Variants in CPA6 observed in about 807,000 individuals in gnomAD.
CPA6 encodes the protein carboxypeptidase B.
A neutral mutation model predicts 63.3 loss-of-function variants in CPA6; 58 were observed. The observed-to-expected ratio is 0.92, with a 90% confidence interval of 0.74 to 1.14. CPA6 has a LOEUF of 1.14. Among genes scored for constraint, CPA6 ranks in the 50% most tolerant of loss-of-function variants. The pLI, the probability that CPA6 is intolerant of heterozygous loss-of-function variation, is 0.00. For synonymous variants in CPA6, 185 were observed against 179.0 expected (o/e 1.03, Z -0.27); for missense variants, 565 against 526.6 (o/e 1.07, Z -0.71).
At chr8:67,534,680 A>G (rs1812547260) in intron 2 of CPA6, among the ~76,000 whole-genome samples, 1 of 152,166 alleles carries the variant, frequency 6.6e-6, no homozygotes, top group Non-Finnish European at 1.5e-5. Flanking sequence ...ATGAGGTTGT[A>G]TCAGATATTA....
chr8:67,468,668 G>A (rs1810986166), intron 8 of CPA6, among the ~76,000 whole-genome samples: 1 of 151,706 alleles, frequency 6.6e-6, no homozygotes, highest in African/African-American at 2.4e-5. Flanking sequence ...CTGTAAGTGG[G>A]CAATAACCTT....
intron 2 of CPA6, among the ~76,000 whole-genome samples, chr8:67,523,304 G>A (rs570653782): frequency 1.6e-4 from 25 of 152,250 alleles, no homozygotes; most frequent in East Asian, 5.8e-4. Flanking sequence ...AGAGGTGGGC[G>A]GATCATGAGG....
At chr8:67,651,444 C>T (rs1340569415) in intron 1 of CPA6, among the ~76,000 whole-genome samples, 1 of 152,008 alleles carries the variant, frequency 6.6e-6, no homozygotes. Context: ...ACGCCATTTC[C>T]TTTTATTTAT....
chr8:67,744,237 C>T (rs1292363384), intron 1 of CPA6, among the ~76,000 whole-genome samples: 1 of 152,158 alleles, frequency 6.6e-6, no homozygotes, highest in Non-Finnish European at 1.5e-5. Context: ...GTGAGACTCA[C>T]TTCTTTTCAT....
intron 2 of CPA6, 136 bp from the exon 3 acceptor site, chr8:67,518,183 A>G: frequency 1.4e-6 from 1 of 715,238 alleles, no homozygotes; most frequent in Non-Finnish European, 2.1e-6. Context: ...TGCTTGCATC[A>G]TCAGGGTAAA....
At chr8:67,430,986 T>C (rs1810015099) in intron 9 of CPA6, among the ~76,000 whole-genome samples, 1 of 152,112 alleles carries the variant, frequency 6.6e-6, no homozygotes, top group East Asian at 1.9e-4. Context: ...CTCTGCCTCC[T>C]GAGTTGCTGG....
At chr8:67,523,205 A>G (rs1222146543) in intron 2 of CPA6, among the ~76,000 whole-genome samples, 5 of 152,186 alleles carry the variant, frequency 3.3e-5, no homozygotes, top group African/African-American at 1.2e-4. Flanking sequence ...TGTTAGGCTT[A>G]AATGAATACA....
chr8:67,495,995 A>T (rs139585299), intron 6 of CPA6, among the ~76,000 whole-genome samples: 1 of 152,194 alleles, frequency 6.6e-6, no homozygotes, highest in African/African-American at 2.4e-5. Context: ...CAACGCCCAC[A>T]TATCATGCTC....
chr8:67,619,473 G>A (rs1293826465), intron 2 of CPA6, among the ~76,000 whole-genome samples: 3 of 152,154 alleles, frequency 2.0e-5, no homozygotes, highest in African/African-American at 7.2e-5. Flanking sequence ...TACAAGTCAG[G>A]CTTTAGGCAG....
chr8:67,498,679 TC>T (rs1347721101), intron 6 of CPA6, among the ~76,000 whole-genome samples: 1 of 152,150 alleles, frequency 6.6e-6, no homozygotes, highest in Admixed American at 6.6e-5. Context: ...CTTTTTCCTC[TC>T]CCCTCAAAGT....
chr8:67,477,876 C>T (rs947614917), intron 8 of CPA6, among the ~76,000 whole-genome samples: 5 of 152,212 alleles, frequency 3.3e-5, no homozygotes, highest in African/African-American at 1.2e-4. Flanking sequence ...TTCATCACAT[C>T]CCCAGGGTGA....
intron 4 of CPA6, among the ~76,000 whole-genome samples, chr8:67,511,133 G>A (rs1279970193): frequency 6.6e-6 from 1 of 152,138 alleles, no homozygotes; most frequent in Non-Finnish European, 1.5e-5. Flanking sequence ...CTTTGCCTTT[G>A]AGAGGTCTCA....
chr8:67,596,111 T>G (rs182202516), intron 2 of CPA6, among the ~76,000 whole-genome samples: 81 of 152,352 alleles, frequency 5.3e-4, no homozygotes, highest in South Asian at 1.2e-3. Flanking sequence ...CTTTAATTTT[T>G]GGGAATTGAT....
chr8:67,667,245 G>C (rs565347297), intron 1 of CPA6, among the ~76,000 whole-genome samples: 1 of 144,804 alleles, frequency 6.9e-6, no homozygotes, highest in South Asian at 2.1e-4. Flanking sequence ...ATTTCGGATT[G>C]GGGTGAAGGC....
At chr8:67,494,746 G>A (rs963437040) in intron 6 of CPA6, among the ~76,000 whole-genome samples, 1 of 152,084 alleles carries the variant, frequency 6.6e-6, no homozygotes, top group Non-Finnish European at 1.5e-5. Flanking sequence ...TTTGTACCAG[G>A]ACCTCAATGG....
chr8:67,613,991 G>C (rs1814876344), intron 2 of CPA6, among the ~76,000 whole-genome samples: 1 of 152,150 alleles, frequency 6.6e-6, no homozygotes, highest in Non-Finnish European at 1.5e-5. Context: ...TCCCAGGATA[G>C]GGATAGCCAC....
At chr8:67,598,537 A>G (rs544714936) in intron 2 of CPA6, among the ~76,000 whole-genome samples, 1 of 152,196 alleles carries the variant, frequency 6.6e-6, no homozygotes, top group Non-Finnish European at 1.5e-5. Context: ...AACAATCGCT[A>G]CTTAATTTAA....
intron 4 of CPA6, among the ~76,000 whole-genome samples, 193 bp downstream of exon 4, chr8:67,511,348 A>G (rs1033368875): frequency 2.6e-5 from 4 of 152,220 alleles, no homozygotes; most frequent in Non-Finnish European, 1.5e-5. Flanking sequence ...GATACTTCTT[A>G]TATACCATCA....
chr8:67,746,165 C>A lies in CPA6; in HGVS notation c.-36G>T. 1 of 1,544,624 alleles carries A rather than the reference C, an allele frequency of 6.5e-7. No homozygotes were observed. Among genetic ancestry groups the A allele is most frequent in the African/African-American group, 1.4e-5 (1 of 73,596 alleles). The stretch of plus-strand genomic sequence containing the variant: ...AGAGAGGAGTTGAAAGTTACTTAAG[C>A]AGCCACCCGAGGCTGGAGGTGGCTC... On this transcript the variant is annotated 5_prime_UTR_variant, in exon 1 of 11. Transcript: ENST00000297770.
Sources: gnomAD v4.1 joint callset for allele counts (sites outside exome capture counted in the v4.1 genomes callset) on GRCh38, gnomAD v4.1.1 for gene constraint, MANE v1.5 for transcripts, NCBI Gene and HGNC (gene_info 2026-07-23, HGNC 2026-07-21) for gene names.